Variants in TMEM192 observed in about 807,000 individuals in gnomAD.
TMEM192 encodes the protein transmembrane protein 192.
A neutral mutation model predicts 26.7 loss-of-function variants in TMEM192; 20 were observed. That is an observed-to-expected ratio of 0.75 (90% CI 0.53 to 1.09). The LOEUF (loss-of-function observed/expected upper bound fraction) is 1.09, where lower values mean the gene tolerates loss of function less well. Among genes scored for constraint, TMEM192 ranks in the 50% least tolerant of loss-of-function variants. The pLI is 0.00. For synonymous variants in TMEM192, 124 were observed against 121.0 expected (o/e 1.02, Z -0.16); for missense variants, 304 against 322.6 (o/e 0.94, Z 0.44).
chr4:165,087,136 C>G (rs1734638695), intron 4 of TMEM192, among the ~76,000 whole-genome samples: 1 of 152,032 alleles, frequency 6.6e-6, no homozygotes, highest in Admixed American at 6.6e-5. Flanking sequence ...AAAGAAAATG[C>G]CTTTTATGCC....
At chr4:165,085,485 TG>T in intron 5 of TMEM192, 100 bp downstream of exon 5, 1 of 785,536 alleles carries the variant, frequency 1.3e-6, no homozygotes, top group Non-Finnish European at 2.1e-6. Flanking sequence ...ATCAAACAAA[TG>T]TAAAAGTACA....
At chr4:165,097,447 T>C (rs1425994939) in intron 3 of TMEM192, among the ~76,000 whole-genome samples, 2 of 133,760 alleles carry the variant, frequency 1.5e-5, no homozygotes, top group Non-Finnish European at 3.0e-5. Context: ...TGAGCCGAGA[T>C]AGCGCCACTG....
Position 165,079,043 on chromosome 4 carries a change from A to G in TMEM192, c.*615T>C, listed in dbSNP as rs9999037. The G allele has an allele frequency of 0.84, 127,634 of 152,308 alleles. 54,655 individuals are homozygous for G. The highest frequency in any genetic ancestry group is 0.95 in the East Asian group (4,907 of 5,180). The allele number at this position is 152,308 out of a possible 1,614,324, so 9.4% of individuals were successfully genotyped here. ...CCTGACCTCATGATCCGCCGTGCCC[A>G]GCCCTTATTTCTTAAGAATAGAAAA... On this transcript the variant is annotated 3_prime_UTR_variant, in exon 6 of 6. Coordinates refer to ENST00000306480, the MANE Select transcript of TMEM192 (RefSeq NM_001100389.2).
In TMEM192 at chr4:165,112,712, C is replaced by A. The variant is rs769342532; in HGVS notation, c.27+35G>T. 5 of 1,608,142 alleles carry A rather than the reference C, an allele frequency of 3.1e-6. No homozygotes were observed. In the Admixed American group the frequency reaches 8.3e-5, roughly 27 times the overall value. On this transcript the variant is annotated intron_variant, in intron 1 of 5. Transcript: ENST00000306480. ...GCCCCGGCACAAGAAAAAGCGGATT[C>A]CGGGGCCAACCGCCCGCCGCCTCCG...
intron 3 of TMEM192, among the ~76,000 whole-genome samples, chr4:165,097,290 C>T (rs1409085694): frequency 1.3e-5 from 2 of 151,924 alleles, no homozygotes; most frequent in African/African-American, 2.4e-5. Flanking sequence ...GTCAGGAGAT[C>T]GAGACCATCC....
At chr4:165,083,956 G>C (rs1332452575) in intron 5 of TMEM192, among the ~76,000 whole-genome samples, 2 of 148,970 alleles carry the variant, frequency 1.3e-5, no homozygotes, top group Non-Finnish European at 3.0e-5. Context: ...TGAGTAGCTG[G>C]GACTACAGGT....
In TMEM192 at chr4:165,088,539, T is replaced by G; in HGVS notation, c.503A>C (p.Tyr168Ser). 3 of 1,613,632 alleles carry G rather than the reference T, an allele frequency of 1.9e-6. No homozygotes were observed. The highest frequency in any genetic ancestry group is 2.5e-6 in the Non-Finnish European group (3 of 1,179,812). The change falls in exon 4 of 6, where the codon TAT becomes TCT. Residue 168 changes from tyrosine to serine, a missense_variant. By Grantham distance (144) the Tyr-to-Ser change is moderately radical. Transcript: ENST00000306480. The part of the protein sequence containing the change: ...QHSFPEPGRL[Y>S]LDLILAILAL... ...CAAGATGGCCAGAATGAGGTCAAGA[T>G]ACAATCTGCCAGGCTCTGGGAAGGA...
Position 165,102,941 on chromosome 4 carries a change from C to G in TMEM192, c.174+9G>C, listed in dbSNP as rs1370263048. The stretch of plus-strand genomic sequence containing the variant: ...CTCTGGATAGGTCCCCTTCTTGCAG[C>G]CAACTTACATGAATAAACCACAGAA... On this transcript the variant is annotated intron_variant, in intron 2 of 5. Transcript: ENST00000306480. 6.8e-6 allele frequency: 11 copies of G among 1,605,882 alleles called. No homozygotes were observed. The highest frequency in any genetic ancestry group is 1.3e-5 in the African/African-American group (1 of 74,758).
chr4:165,102,830 T>A, intron 2 of TMEM192, 120 bp downstream of exon 2: 11 of 743,598 alleles, frequency 1.5e-5, no homozygotes, highest in Non-Finnish European at 2.1e-5. Context: ...CAGGATGTCC[T>A]AAGAACATGT....
intron 1 of TMEM192, among the ~76,000 whole-genome samples, chr4:165,109,773 T>C (rs1345517743): frequency 6.6e-6 from 1 of 152,228 alleles, no homozygotes. Flanking sequence ...CTCGCCTAAA[T>C]GAGCTTTCTA....
At chr4:165,095,950 A>AT (rs35383218) in intron 3 of TMEM192, among the ~76,000 whole-genome samples, 264 of 136,318 alleles carry the variant, frequency 1.9e-3, no homozygotes, top group African/African-American at 5.4e-3. Context: ...TGCCCAGCTA[A>AT]TTTTTTTTTT....
chr4:165,093,869 C>A (rs1485374956), intron 3 of TMEM192, among the ~76,000 whole-genome samples: 2 of 152,134 alleles, frequency 1.3e-5, no homozygotes, highest in Non-Finnish European at 2.9e-5. Flanking sequence ...GCACCCGCCA[C>A]GCCACCATGC....
At chr4:165,104,205 A>G (rs999614278) in intron 1 of TMEM192, among the ~76,000 whole-genome samples, 4 of 152,158 alleles carry the variant, frequency 2.6e-5, no homozygotes, top group African/African-American at 9.7e-5. Flanking sequence ...ATGTTAAAAA[A>G]AAGAAAAAAA....
chr4:165,098,120 T>A (rs949874169), intron 3 of TMEM192, among the ~76,000 whole-genome samples: 4 of 150,982 alleles, frequency 2.6e-5, no homozygotes, highest in African/African-American at 9.7e-5. Flanking sequence ...TGAGCCACCG[T>A]GCCCGGCCTT....
intron 3 of TMEM192, among the ~76,000 whole-genome samples, chr4:165,097,569 CT>C (rs574785092): frequency 2.3e-3 from 243 of 107,986 alleles, no homozygotes; most frequent in East Asian, 2.9e-3. Flanking sequence ...TCTGTGGAGC[CT>C]TTTTTTTTTT....
intron 3 of TMEM192, among the ~76,000 whole-genome samples, chr4:165,093,211 C>A (rs561028902): frequency 6.6e-6 from 1 of 151,016 alleles, no homozygotes; most frequent in South Asian, 2.1e-4. Flanking sequence ...ATTCTCCTGC[C>A]GCGGCCTCCT....
intron 1 of TMEM192, among the ~76,000 whole-genome samples, chr4:165,106,225 G>GA (rs1254693938): frequency 6.6e-6 from 1 of 152,122 alleles, no homozygotes; most frequent in African/African-American, 2.4e-5. Context: ...GATAAAAAGA[G>GA]AAAAAATCAT....
chr4:165,080,715 C>G (rs1280333178), intron 5 of TMEM192, among the ~76,000 whole-genome samples: 4 of 151,932 alleles, frequency 2.6e-5, no homozygotes, highest in Admixed American at 1.3e-4. Flanking sequence ...AACCACATTA[C>G]TATTATTATT....
chr4:165,079,724 C>T lies in TMEM192; in HGVS notation c.750G>A (p.Ala250=), dbSNP rs564490422. 26 of 1,614,000 alleles carry T rather than the reference C, an allele frequency of 1.6e-5. No homozygotes were observed. Among genetic ancestry groups the T allele is most frequent in the Middle Eastern group, 1.6e-4 (1 of 6,062 alleles). Residue 250 remains alanine (A), a synonymous_variant, in exon 6 of 6, where the codon GCG becomes GCA. Coordinates refer to ENST00000306480, the MANE Select transcript of TMEM192 (RefSeq NM_001100389.2). ...GAGCCAACAATCGCTTACTCAGCAG[C>T]GCATTGTGTCGCTTCAGGTATTCAA... ...DTIEYLKRHN[A]LLSKRLLALT... is the part of the protein sequence containing the mutation.
Sources: gnomAD v4.1 joint callset for allele counts (sites outside exome capture counted in the v4.1 genomes callset) on GRCh38, gnomAD v4.1.1 for gene constraint, MANE v1.5 for transcripts, NCBI Gene and HGNC (gene_info 2026-07-23, HGNC 2026-07-21) for gene names.